ZNF236: variants seen among roughly 807,000 people sequenced by gnomAD.
The protein encoded by ZNF236 is zinc finger protein 236, also known as regulated by glucose.
In ZNF236, 50 loss-of-function variants were observed where a neutral mutation model predicts 191.2. That is an observed-to-expected ratio of 0.26 (90% CI 0.21 to 0.33). ZNF236 has a LOEUF of 0.33. ZNF236 is among the 10% of genes least tolerant of loss of function. ZNF236 has a pLI of 1.00. For missense variants in ZNF236, 1,754 were observed against 2,374.5 expected, an observed-to-expected ratio of 0.74 and a Z score of 5.43; for synonymous variants, 907 against 928.8, an observed-to-expected ratio of 0.98 and a Z score of 0.43.
At chr18:76,940,460 G>A (rs1385610582) in intron 26 of ZNF236, among the ~76,000 whole-genome samples, 2 of 152,252 alleles carry the variant, frequency 1.3e-5, no homozygotes, top group Non-Finnish European at 2.9e-5. Context: ...AGGGTCCCTG[G>A]TGTGTTTCTT....
Position 76,970,258 on chromosome 18 carries a change from C to T in ZNF236, c.*1919C>T, listed in dbSNP as rs1044088. ...TTTAGCATTAAATGTCATCTCAGGA[C>T]ATCTCTAAAAGGGGTTGTTTAATTC... On this transcript the variant is annotated 3_prime_UTR_variant, in exon 31 of 31. Transcript: ENST00000320610. 65,830 of 152,418 alleles carry T rather than the reference C, an allele frequency of 0.43. 14,634 individuals are homozygous for T. The highest frequency in any genetic ancestry group is 0.5 in the Non-Finnish European group (34,283 of 67,982). 9.4% of individuals were successfully genotyped at this position (152,418 alleles called of 1,614,324 possible). A position where few individuals can be genotyped will look rare whatever the true frequency, so the allele number is the denominator to read the frequency against.
At chr18:76,901,826 T>C (rs762707440) in intron 11 of ZNF236, among the ~76,000 whole-genome samples, 17 of 152,192 alleles carry the variant, frequency 1.1e-4, no homozygotes, top group South Asian at 4.1e-4. Context: ...ATAATTGTTA[T>C]GCTATTTAAC....
intron 9 of ZNF236, among the ~76,000 whole-genome samples, chr18:76,894,243 A>G (rs1174684412): frequency 2.6e-5 from 4 of 152,258 alleles, no homozygotes; most frequent in African/African-American, 9.6e-5. Flanking sequence ...TAAATTTCTT[A>G]CCATTTCACC....
chr18:76,891,668 A>G (rs1472881909), intron 9 of ZNF236, among the ~76,000 whole-genome samples: 1 of 151,948 alleles, frequency 6.6e-6, no homozygotes, highest in Non-Finnish European at 1.5e-5. Flanking sequence ...ATGAGCCACT[A>G]TGCTTGTCCA....
At chr18:76,946,094 G>A (rs1005239495) in intron 26 of ZNF236, among the ~76,000 whole-genome samples, 9 of 152,134 alleles carry the variant, frequency 5.9e-5, no homozygotes, top group Non-Finnish European at 1.0e-4. Flanking sequence ...TAGTTTGGCC[G>A]TGTCCCCACC....
chr18:76,900,164 A>G (rs988750998), intron 11 of ZNF236, among the ~76,000 whole-genome samples: 10 of 152,152 alleles, frequency 6.6e-5, no homozygotes, highest in African/African-American at 2.2e-4. Context: ...CCAAAGCATA[A>G]CCTTTATTTA....
rs1335462665 is a variant in ZNF236, at chr18:76,846,071, G to T, written c.56-3455G>T. Among the ~76,000 whole-genome samples, 7 of 152,212 alleles carry T rather than the reference G, an allele frequency of 4.6e-5. No individual in the cohort carries two copies. The East Asian group carries it at 9.6e-4, about 21-fold the overall frequency. ...CACAGTCTCCTGCAGCCTAGCTGGG[G>T]CTCCTTTCAGTTAAAAGCCCTTATC... On this transcript the variant is annotated intron_variant, in intron 1 of 30. Coordinates refer to ENST00000320610, the MANE Select transcript of ZNF236 (RefSeq NM_001306089.2).
At chr18:76,848,191 T>C (rs1303934770) in intron 1 of ZNF236, among the ~76,000 whole-genome samples, 1 of 152,174 alleles carries the variant, frequency 6.6e-6, no homozygotes, top group East Asian at 1.9e-4. Context: ...AAAACAAAGA[T>C]TTCAAGGTCT....
At position 76,910,077 on chromosome 18, in the gene ZNF236, T is replaced by C. The variant is rs769954443; in HGVS notation, c.2561T>C (p.Val854Ala). ...TACATCTCATCCTCAGATGGGTTTG[T>C]GGCTCCACAGGACCCTCTGCGAGGG... Reference protein sequence around the residue: ...QPLEADEDGFVAPQDPLRGHV... With the variant: ...QPLEADEDGFAAPQDPLRGHV... The change falls in exon 15 of 31, where the codon GTG becomes GCG. Residue 854 changes from valine to alanine, a missense_variant. Around this residue, in one of 5 missense-constraint regions of ZNF236, gnomAD observed 641 missense variants for 869.6 expected, o/e 0.74. Coordinates refer to ENST00000320610, the MANE Select transcript of ZNF236 (RefSeq NM_001306089.2). 1.2e-6 allele frequency: 2 copies of C among 1,611,068 alleles called. No individual in the cohort carries two copies. The highest frequency in any genetic ancestry group is 2.2e-5 in the East Asian group (1 of 44,808).
intron 1 of ZNF236, among the ~76,000 whole-genome samples, chr18:76,847,703 T>G (rs1385709477): frequency 1.3e-5 from 2 of 152,130 alleles, no homozygotes; most frequent in Admixed American, 6.5e-5. Flanking sequence ...TCTCCTGACT[T>G]CGTGTTCCAC....
rs1409725768 is a variant in ZNF236, at chr18:76,879,369, C to T, written c.985-744C>T. Among the ~76,000 whole-genome samples the T allele has an allele frequency of 3.9e-5, 6 of 152,288 alleles. No individual in the cohort carries two copies. In the South Asian group the frequency reaches 1.0e-3, roughly 26 times the overall value. On this transcript the variant is annotated intron_variant, in intron 7 of 30. Transcript: ENST00000320610. ...ACTCCTCTTCTCTTGTGCTCAGTTTCCCACATTTCTGACATGGTGCATCGG... is the reference window on the plus strand; with the variant it reads ...ACTCCTCTTCTCTTGTGCTCAGTTTTCCACATTTCTGACATGGTGCATCGG...
At chr18:76,823,976 T>C (rs184774513) in intron 1 of ZNF236, among the ~76,000 whole-genome samples, 136 of 152,260 alleles carry the variant, frequency 8.9e-4, no homozygotes, top group African/African-American at 3.1e-3. Flanking sequence ...AAGGGGGTTC[T>C]AAGGGGGAGT....
In ZNF236 at chr18:76,968,355, C is replaced by T. The variant is rs751740168; in HGVS notation, c.*16C>T. The T allele has an allele frequency of 1.1e-5, 18 of 1,602,440 alleles. No homozygotes were observed. The highest frequency in any genetic ancestry group is 1.3e-5 in the African/African-American group (1 of 74,264). On this transcript the variant is annotated 3_prime_UTR_variant, in exon 31 of 31. Transcript: ENST00000320610. ...CGTCTTCTGATGCGAGTTGGAAGTACACCTTTAAGAATGTTTCTGAAGTTA... is the reference window on the plus strand; with the variant it reads ...CGTCTTCTGATGCGAGTTGGAAGTATACCTTTAAGAATGTTTCTGAAGTTA...
intron 30 of ZNF236, among the ~76,000 whole-genome samples, chr18:76,964,890 A>G (rs1968737146): frequency 1.3e-5 from 2 of 152,168 alleles, no homozygotes; most frequent in African/African-American, 2.4e-5. Flanking sequence ...TGAATTTCCC[A>G]GGTGTTCTTT....
At chr18:76,932,902 T>C (rs1389037801) in intron 25 of ZNF236, among the ~76,000 whole-genome samples, 1 of 152,242 alleles carries the variant, frequency 6.6e-6, no homozygotes, top group Non-Finnish European at 1.5e-5. Context: ...AGGGCTCTGC[T>C]CTAGCTGCCC....
At chr18:76,873,909 G>A (rs1294015925) in intron 5 of ZNF236, among the ~76,000 whole-genome samples, 1 of 150,944 alleles carries the variant, frequency 6.6e-6, no homozygotes. Context: ...TCCCCATGCG[G>A]GCAGAGCCGT....
chr18:76,916,664 C>CGT (rs1967373013), intron 19 of ZNF236, among the ~76,000 whole-genome samples: 2 of 152,296 alleles, frequency 1.3e-5, no homozygotes, highest in South Asian at 4.1e-4. Flanking sequence ...TGACACGTTG[C>CGT]GCCAGCACAC....
Position 76,925,349 on chromosome 18 carries a change from T to C in ZNF236, c.3822T>C (p.Phe1274=). Residue 1274 remains phenylalanine (F), a synonymous_variant, in exon 22 of 31, where the codon TTT becomes TTC. Transcript: ENST00000320610. This position sits in a 1 kb window ranked among gnomAD's most constrained non-coding sequence, Gnocchi z 5.7. ...TSGRRKTHMQ[F]HYKPDPKKAR... ...GTAGAAGAAAGACACACATGCAGTTTCATTATAAACCAGACCCAAAGAAGG... is the reference window on the plus strand; with the variant it reads ...GTAGAAGAAAGACACACATGCAGTTCCATTATAAACCAGACCCAAAGAAGG... The C allele has an allele frequency of 6.2e-7, 1 of 1,614,202 alleles. No individual in the cohort carries two copies. Among genetic ancestry groups the C allele is most frequent in the Non-Finnish European group, 8.5e-7 (1 of 1,180,044 alleles).
chr18:76,897,815 G>A (rs1043558941), intron 10 of ZNF236, among the ~76,000 whole-genome samples: 1 of 152,216 alleles, frequency 6.6e-6, no homozygotes, highest in Non-Finnish European at 1.5e-5. Context: ...AAGGGATTGA[G>A]TCACAGCACC....
Sources: allele counts gnomAD v4.1 joint callset (sites outside exome capture counted in the v4.1 genomes callset), GRCh38; gene constraint gnomAD v4.1.1; regional missense constraint gnomAD v4.1.1; non-coding constraint Gnocchi (gnomAD v3.1); transcripts MANE v1.5; gene names NCBI Gene and HGNC (gene_info 2026-07-23, HGNC 2026-07-21).